Variants in LEPR observed in about 807,000 individuals in gnomAD.
LEPR encodes OB receptor.
Under a neutral mutation model 114.7 loss-of-function variants are expected in LEPR, and 56 were observed. The observed-to-expected ratio is 0.49, with a 90% confidence interval of 0.39 to 0.61. LEPR has a LOEUF of 0.61. Among genes scored for constraint, LEPR ranks in the 20% least tolerant of loss-of-function variants. The pLI is 0.00. For missense variants in LEPR, 1,202 were observed against 1,352.9 expected (o/e 0.89, Z 1.75); for synonymous variants, 443 against 461.4 (o/e 0.96, Z 0.51).
At chr1:65,452,618 A>T (rs1171718218) in intron 2 of LEPR, among the ~76,000 whole-genome samples, 5 of 151,602 alleles carry the variant, frequency 3.3e-5, no homozygotes, top group Admixed American at 2.0e-4. Context: ...CTTGCATCCC[A>T]GGGATGAAGC....
At chr1:65,424,234 C>T (rs1312032632) in intron 1 of LEPR, among the ~76,000 whole-genome samples, 1 of 152,192 alleles carries the variant, frequency 6.6e-6, no homozygotes, top group East Asian at 1.9e-4. Flanking sequence ...TTATTCAGTG[C>T]ACACTAGTTG....
chr1:65,429,305 A>G lies in LEPR; in HGVS notation c.-21+3927A>G, dbSNP rs544276939. Among the ~76,000 whole-genome samples the G allele has an allele frequency of 1.1e-4, 16 of 152,268 alleles. No individual in the cohort carries two copies. In the South Asian group the frequency reaches 2.5e-3, roughly 24 times the overall value. On this transcript the variant is annotated intron_variant, in intron 2 of 19. Coordinates refer to ENST00000349533, the MANE Select transcript of LEPR (RefSeq NM_002303.6). ...GCGCAAAGGCCCCAGGATAACAGCT[A>G]TGAGCTCAAGAGTGTTCAAGGGACA...
At chr1:65,424,664 TG>T (rs1646322637) in intron 1 of LEPR, among the ~76,000 whole-genome samples, 1 of 152,214 alleles carries the variant, frequency 6.6e-6, no homozygotes, top group African/African-American at 2.4e-5. Flanking sequence ...TTCTGAAGAC[TG>T]GGAAGTCCAA....
intron 10 of LEPR, among the ~76,000 whole-genome samples, chr1:65,602,916 A>G (rs1477009077): frequency 6.6e-6 from 1 of 152,112 alleles, no homozygotes; most frequent in Non-Finnish European, 1.5e-5. Flanking sequence ...ATGATATGAA[A>G]TTTTACTTTT....
intron 14 of LEPR, among the ~76,000 whole-genome samples, chr1:65,614,707 A>G (rs559731763): frequency 2.0e-5 from 3 of 152,308 alleles, no homozygotes; most frequent in African/African-American, 7.2e-5. Flanking sequence ...AGAGTTGGGG[A>G]TATAGGTATG....
chr1:65,544,767 C>T lies in LEPR; in HGVS notation c.-20-20779C>T, dbSNP rs114667687. On this transcript the variant is annotated intron_variant, in intron 2 of 19. Transcript: ENST00000349533. ...CTTAAAACGGGGTGAAATTTTGATA[C>T]GTGGTACAACATTGATAAACTTTAT... 7.6e-4 allele frequency among the ~76,000 whole-genome samples: 114 copies of T among 150,834 alleles called. 3 individuals carry two copies. The highest frequency in any genetic ancestry group is 2.4e-3 in the African/African-American group (100 of 40,906).
intron 2 of LEPR, among the ~76,000 whole-genome samples, chr1:65,476,557 A>G (rs1647162341): frequency 6.6e-6 from 1 of 151,976 alleles, no homozygotes; most frequent in African/African-American, 2.4e-5. Flanking sequence ...TGGATAATCC[A>G]CCCTCTGACC....
At chr1:65,531,065 A>T (rs775555467) in intron 2 of LEPR, among the ~76,000 whole-genome samples, 30 of 152,314 alleles carry the variant, frequency 2.0e-4, no homozygotes, top group Non-Finnish European at 2.5e-4. Context: ...GTTCACACAG[A>T]GTAAAAACCA....
chr1:65,434,340 A>T (rs1646528947), intron 2 of LEPR: 1 of 984,958 alleles, frequency 1.0e-6, no homozygotes, highest in Non-Finnish European at 1.2e-6. Flanking sequence ...TATATTGTAC[A>T]ATATATTTGG....
chr1:65,554,607 G>C (rs1652677062), intron 2 of LEPR, among the ~76,000 whole-genome samples: 1 of 152,188 alleles, frequency 6.6e-6, no homozygotes, highest in Non-Finnish European at 1.5e-5. Context: ...TGTGCTGGCA[G>C]GGAGAATTTC....
In LEPR at chr1:65,592,838, C is replaced by CT. The variant is rs765129666; in HGVS notation, c.677dup (p.Met227AsnfsTer12). On this transcript the variant is annotated frameshift_variant, in exon 6 of 20. Transcript: ENST00000349533. LOFTEE classifies it high-confidence loss of function. Reference sequence around the variant, plus strand: ...TGGTGGAGTAATTTTCCAGTCACCTCTAATGTCAGTTCAGCCCATAAATAT... The same window carrying CT: ...TGGTGGAGTAATTTTCCAGTCACCTCTTAATGTCAGTTCAGCCCATAAATAT... 11 of 1,613,056 alleles carry CT rather than the reference C, an allele frequency of 6.8e-6. No individual in the cohort carries two copies. The highest frequency in any genetic ancestry group is 6.8e-6 in the Non-Finnish European group (8 of 1,179,306).
chr1:65,582,517 C>T (rs1417083207), intron 5 of LEPR, among the ~76,000 whole-genome samples: 1 of 152,160 alleles, frequency 6.6e-6, no homozygotes, highest in East Asian at 1.9e-4. Context: ...AGCTGGCTTT[C>T]CTGAGAGTGA....
At chr1:65,618,224 C>A in intron 16 of LEPR, 78 bp downstream of exon 16, 1 of 1,376,524 alleles carries the variant, frequency 7.3e-7, no homozygotes, top group South Asian at 1.3e-5. Flanking sequence ...TTAATATAGC[C>A]AGTTAATGAA....
At chr1:65,487,007 A>G (rs888730086) in intron 2 of LEPR, among the ~76,000 whole-genome samples, 2 of 152,154 alleles carry the variant, frequency 1.3e-5, no homozygotes, top group Non-Finnish European at 2.9e-5. Context: ...ACCACTCTAT[A>G]AAACAGTTTA....
intron 2 of LEPR, among the ~76,000 whole-genome samples, chr1:65,500,731 G>A (rs897232363): frequency 6.6e-6 from 1 of 152,112 alleles, no homozygotes; most frequent in South Asian, 2.1e-4. Flanking sequence ...TTAACAGTGG[G>A]TAATTAGTAA....
At chr1:65,460,566 C>T (rs1379611002) in intron 2 of LEPR, among the ~76,000 whole-genome samples, 4 of 152,130 alleles carry the variant, frequency 2.6e-5, no homozygotes. Context: ...TAGACAAAGT[C>T]ATGGAACTCT....
intron 2 of LEPR, among the ~76,000 whole-genome samples, chr1:65,494,440 C>G (rs1648045625): frequency 6.6e-6 from 1 of 152,022 alleles, no homozygotes; most frequent in African/African-American, 2.4e-5. Flanking sequence ...CTTCTGGATT[C>G]TCAAAGTTAT....
At chr1:65,420,661 C>T (rs1280580536), upstream of LEPR, 2 of 1,549,810 alleles carry the variant, frequency 1.3e-6, no homozygotes, top group Non-Finnish European at 1.7e-6. Context: ...CCCGGTCTGG[C>T]TTGGGCAGGC....
At position 65,448,842 on chromosome 1, in the gene LEPR, C is replaced by T. The variant is rs116285523; in HGVS notation, c.-21+23464C>T. ...TGTTCATAGTTGTCCATTATTATCC[C>T]GTTAGTGTCCGTGGGATCTGTAATG... On this transcript the variant is annotated intron_variant, in intron 2 of 19. Coordinates refer to ENST00000349533, the MANE Select transcript of LEPR (RefSeq NM_002303.6). 5.3e-3 allele frequency among the ~76,000 whole-genome samples: 803 copies of T among 152,204 alleles called. 8 individuals are homozygous for T. Among genetic ancestry groups the T allele is most frequent in the African/African-American group, 0.018 (757 of 41,508 alleles).
Sources: gnomAD v4.1 joint callset for allele counts (sites outside exome capture counted in the v4.1 genomes callset) on GRCh38, gnomAD v4.1.1 for gene constraint, MANE v1.5 for transcripts, NCBI Gene and HGNC (gene_info 2026-07-23, HGNC 2026-07-21) for gene names.